The following PIK3C2G variants were observed in gnomAD, a reference collection of about 807,000 sequenced individuals.
The protein encoded by PIK3C2G is phosphatidylinositol-4-phosphate 3-kinase catalytic subunit type 2 gamma.
PIK3C2G carries 168 observed loss-of-function variants against 181.1 expected under a neutral mutation model. The ratio of observed to expected loss-of-function variants is 0.93; its 90% confidence interval spans 0.82 to 1.05. The LOEUF is 1.05. Ranked by LOEUF, PIK3C2G falls within the 50% of genes least tolerant of loss-of-function variation. PIK3C2G has a pLI of 0.00. For missense variants in PIK3C2G, 1,869 were observed against 1,732.8 expected (o/e 1.08, Z -1.40); for synonymous variants, 573 against 592.2 (o/e 0.97, Z 0.47).
chr12:18,562,620 C>T, intron 26 of PIK3C2G, 83 bp from the exon 27 acceptor site: 1 of 831,606 alleles, frequency 1.2e-6, no homozygotes, highest in Non-Finnish European at 1.9e-6. Context: ...CTCATACTGA[C>T]AAACACAAGG....
At chr12:18,588,786 T>A (rs938867959) in intron 29 of PIK3C2G, among the ~76,000 whole-genome samples, 5 of 152,026 alleles carry the variant, frequency 3.3e-5, no homozygotes, top group Non-Finnish European at 7.4e-5. Context: ...TAAAGACACA[T>A]ACACGTGTAG....
intron 16 of PIK3C2G, among the ~76,000 whole-genome samples, chr12:18,403,036 T>G (rs1360800808): frequency 6.6e-6 from 1 of 152,184 alleles, no homozygotes; most frequent in Non-Finnish European, 1.5e-5. Context: ...GCTTATAATC[T>G]GAACCATTCT....
chr12:18,706,349 A>G, the PIK3C2G span, among the ~76,000 whole-genome samples: 1 of 152,302 alleles, frequency 6.6e-6, no homozygotes, highest in Non-Finnish European at 1.5e-5. Flanking sequence ...CTATATTTTT[A>G]TTGTTAATAT....
At chr12:18,472,454 C>G (rs1358713386) in intron 18 of PIK3C2G, among the ~76,000 whole-genome samples, 2 of 152,070 alleles carry the variant, frequency 1.3e-5, no homozygotes, top group African/African-American at 4.8e-5. Context: ...TTTACTGTCT[C>G]CCTCTCCCTA....
chr12:18,500,534 A>T (rs942086941), intron 22 of PIK3C2G, among the ~76,000 whole-genome samples: 1 of 152,180 alleles, frequency 6.6e-6, no homozygotes. Context: ...GTGTGGGCGC[A>T]CGGCGCAGGA....
intron 29 of PIK3C2G, among the ~76,000 whole-genome samples, chr12:18,576,375 A>G (rs1239482546): frequency 6.6e-6 from 1 of 152,160 alleles, no homozygotes; most frequent in Non-Finnish European, 1.5e-5. Flanking sequence ...TGGTAATAGC[A>G]CACCAAATCA....
chr12:18,720,893 G>A, the PIK3C2G span, among the ~76,000 whole-genome samples: 2 of 151,986 alleles, frequency 1.3e-5, no homozygotes, highest in African/African-American at 4.8e-5. Flanking sequence ...ATATAGTGAT[G>A]TAAGTAAATG....
At chr12:18,681,553 T>G in the PIK3C2G span, among the ~76,000 whole-genome samples, 1 of 152,064 alleles carries the variant, frequency 6.6e-6, no homozygotes, top group African/African-American at 2.4e-5. Flanking sequence ...GAGAAAATTC[T>G]AATCAAAATT....
intron 11 of PIK3C2G, among the ~76,000 whole-genome samples, chr12:18,351,968 A>C (rs1241487047): frequency 2.6e-5 from 4 of 152,196 alleles, no homozygotes; most frequent in Non-Finnish European, 5.9e-5. Flanking sequence ...AGGTTTGTGC[A>C]AGTACACTCT....
At chr12:18,655,054 T>TAAA in the PIK3C2G span, among the ~76,000 whole-genome samples, 91 of 151,202 alleles carry the variant, frequency 6.0e-4, no homozygotes, top group Admixed American at 1.3e-3. Context: ...GAAACAATAA[T>TAAA]AAAAAAAAAT....
At chr12:18,684,160 A>G in the PIK3C2G span, 1 of 1,611,912 alleles carries the variant, frequency 6.2e-7, no homozygotes, top group Non-Finnish European at 8.5e-7. Context: ...GGCAAAGTAT[A>G]TTGCCCAAGA....
chr12:18,609,451 T>C (rs1948222235), intron 30 of PIK3C2G, 84 bp from the exon 31 acceptor site: 1 of 716,634 alleles, frequency 1.4e-6, no homozygotes, highest in Admixed American at 2.4e-5. Flanking sequence ...TATTTATTGG[T>C]CCTGTTTTAG....
At chr12:18,530,200 TCTACTTTTCTA>T (rs1366944307) in intron 24 of PIK3C2G, among the ~76,000 whole-genome samples, 1 of 151,956 alleles carries the variant, frequency 6.6e-6, no homozygotes, top group African/African-American at 2.4e-5. Flanking sequence ...CAGAACAGAG[TCTACTTTTCTA>T]CCCAATAAAA....
chr12:18,432,995 C>G (rs982264028), intron 18 of PIK3C2G, among the ~76,000 whole-genome samples: 7 of 146,290 alleles, frequency 4.8e-5, no homozygotes, highest in African/African-American at 1.3e-4. Flanking sequence ...TTTTTTTTAA[C>G]TTAAGAGCAA....
intron 24 of PIK3C2G, among the ~76,000 whole-genome samples, chr12:18,530,067 A>C (rs1186446695): frequency 6.6e-6 from 1 of 152,060 alleles, no homozygotes; most frequent in Non-Finnish European, 1.5e-5. Flanking sequence ...TGGCCATCCC[A>C]CTATTTCACT....
intron 18 of PIK3C2G, among the ~76,000 whole-genome samples, chr12:18,433,337 A>G (rs1035964532): frequency 1.3e-5 from 2 of 151,812 alleles, no homozygotes; most frequent in Non-Finnish European, 2.9e-5. Flanking sequence ...ACATGGTGAA[A>G]CCCCATTTCT....
intron 1 of PIK3C2G, among the ~76,000 whole-genome samples, chr12:18,269,679 T>C (rs939517087): frequency 6.6e-6 from 1 of 152,172 alleles, no homozygotes; most frequent in African/African-American, 2.4e-5. Context: ...TTTGCATGAG[T>C]GGAAAATTTT....
chr12:18,389,352 C>CAAA (rs534886442), intron 14 of PIK3C2G, among the ~76,000 whole-genome samples: 2 of 116,798 alleles, frequency 1.7e-5, no homozygotes, highest in African/African-American at 3.2e-5. Context: ...GACTCCATCT[C>CAAA]AAAAAAAAAA....
At chr12:18,472,538 C>T (rs1417879787) in intron 18 of PIK3C2G, among the ~76,000 whole-genome samples, 1 of 152,136 alleles carries the variant, frequency 6.6e-6, no homozygotes, top group Non-Finnish European at 1.5e-5. Context: ...TCAGTAAAGT[C>T]TTAGTCACTT....
Sources: gnomAD v4.1 joint callset for allele counts (sites outside exome capture counted in the v4.1 genomes callset) on GRCh38, gnomAD v4.1.1 for gene constraint, MANE v1.5 for transcripts, NCBI Gene and HGNC (gene_info 2026-07-23, HGNC 2026-07-21) for gene names.